The following TOP2A variants were observed in gnomAD, a reference collection of about 807,000 sequenced individuals.
The protein encoded by TOP2A is DNA topoisomerase 2-alpha.
In TOP2A, 68 loss-of-function variants were observed where a neutral mutation model predicts 187.2. The ratio of observed to expected loss-of-function variants is 0.36; its 90% CI spans 0.30 to 0.44. TOP2A has a LOEUF of 0.44. TOP2A is among the 20% of genes least tolerant of loss of function. TOP2A has a pLI of 1.00. For synonymous variants in TOP2A, 542 were observed against 593.2 expected, an observed-to-expected ratio of 0.91 and a Z score of 1.25; for missense variants, 1,196 against 1,808.7, an observed-to-expected ratio of 0.66 and a Z score of 6.14.
chr17:40,399,489 A>G (rs1386403060), intron 24 of TOP2A, among the ~76,000 whole-genome samples: 1 of 149,890 alleles, frequency 6.7e-6, no homozygotes, highest in African/African-American at 2.5e-5. Context: ...AGTAGAAGCC[A>G]TTCGTAATCT....
intron 12 of TOP2A, 22 bp downstream of exon 12, chr17:40,407,945 T>A: frequency 1.3e-6 from 2 of 1,588,234 alleles, no homozygotes; most frequent in Non-Finnish European, 1.7e-6. Flanking sequence ...ATTTAGATTC[T>A]GAAGATCGTC....
rs548652478 is a variant in TOP2A, at chr17:40,400,881, C to A, written c.2633G>T (p.Arg878Leu). The change falls in exon 21 of 35, where the codon CGT becomes CTT. Residue 878 changes from arginine (R) to leucine (L), a missense_variant. Around this residue, in one of 10 missense-constraint regions of TOP2A, gnomAD observed 232 missense variants for 306.1 expected, o/e 0.76. Transcript: ENST00000423485. ...CAAAGGTTCTTCTCCATCCATCAAA[C>A]GCCTGATGTTATTTACAATTTCACG... ...DVREIVNNIR[R>L]LMDGEEPLPM... is the part of the protein sequence containing the mutation. 6.2e-7 allele frequency: 1 copy of A among 1,613,958 alleles called. No homozygotes were observed. The highest frequency in any genetic ancestry group is 1.1e-5 in the South Asian group (1 of 91,088).
At chr17:40,415,365 T>A (rs745644739) in intron 4 of TOP2A, among the ~76,000 whole-genome samples, 3 of 152,152 alleles carry the variant, frequency 2.0e-5, no homozygotes, top group Non-Finnish European at 4.4e-5. Context: ...TAGCTCAACA[T>A]TTTTTAAAGA....
At chr17:40,395,915 A>ATT (rs372532948) in intron 28 of TOP2A, among the ~76,000 whole-genome samples, 5 of 149,682 alleles carry the variant, frequency 3.3e-5, no homozygotes, top group Non-Finnish European at 7.4e-5. Flanking sequence ...AATTTTATAC[A>ATT]TTTTTTTTTC....
chr17:40,407,020 T>C, intron 13 of TOP2A, 78 bp from the exon 14 acceptor site: 1 of 1,198,080 alleles, frequency 8.3e-7, no homozygotes, highest in Admixed American at 2.1e-5. Flanking sequence ...TCCCAGAACT[T>C]TGGGAGGCCG....
At position 40,406,449 on chromosome 17, in the gene TOP2A, C is replaced by A; in HGVS notation, c.1888G>T (p.Asp630Tyr). ...AACTGGATACGATGTCTTTTCATATCTGCAAAGTATTCTTTAGCTTCCTTT... is the reference window on the plus strand; with the variant it reads ...AACTGGATACGATGTCTTTTCATATATGCAAAGTATTCTTTAGCTTCCTTT... ...TSKEAKEYFA[D>Y]MKRHRIQFKY... The change falls in exon 16 of 35, where the codon GAT (aspartate) becomes TAT (tyrosine). Residue 630 changes from aspartate (D) to tyrosine (Y), a missense_variant. Asp to Tyr is a radical substitution (Grantham distance 160). Around this residue, in one of 10 missense-constraint regions of TOP2A, gnomAD observed 209 missense variants for 376.9 expected, o/e 0.55. Coordinates refer to ENST00000423485, the MANE Select transcript of TOP2A (RefSeq NM_001067.4). 6.2e-7 allele frequency: 1 copy of A among 1,613,816 alleles called. No individual in the cohort carries two copies. Among genetic ancestry groups the A allele is most frequent in the Non-Finnish European group, 8.5e-7 (1 of 1,179,788 alleles).
In TOP2A at chr17:40,413,496, A is replaced by G. The variant is rs2035350066; in HGVS notation, c.462T>C (p.Asp154=). 4 of 1,527,090 alleles carry G rather than the reference A, an allele frequency of 2.6e-6. No individual in the cohort carries two copies. The highest frequency in any genetic ancestry group is 3.5e-6 in the Non-Finnish European group (4 of 1,137,622). 94.6% of individuals were successfully genotyped at this position (1,527,090 alleles called of 1,614,324 possible). A position where few individuals can be genotyped will look rare whatever the true frequency, so the allele number is the denominator to read the frequency against. ...QLLTSSNYDD[D]EKKVTGGRNG... ...ATACTCTACCTGTCACTTTCTTTTC[A>G]TCATCATCATAGTTACTAGAAGTTA... The change falls in exon 5 of 35, where the codon GAT becomes GAC. Residue 154 remains aspartate, a synonymous_variant. Coordinates refer to ENST00000423485, the MANE Select transcript of TOP2A (RefSeq NM_001067.4).
At chr17:40,416,192 A>C in intron 3 of TOP2A, 124 bp from the exon 4 acceptor site, 1 of 848,898 alleles carries the variant, frequency 1.2e-6, no homozygotes, top group East Asian at 2.6e-5. Context: ...CAAGGTGTTA[A>C]TTTAGCAATT....
chr17:40,395,567 TATAGA>T (rs2035085308), intron 28 of TOP2A, 28 bp from the exon 29 acceptor site: 1 of 1,493,858 alleles, frequency 6.7e-7, no homozygotes, highest in Non-Finnish European at 9.2e-7. Context: ...TAGGGTTGGA[TATAGA>T]ATAAATTCTG....
intron 7 of TOP2A, among the ~76,000 whole-genome samples, chr17:40,412,481 A>G (rs1042105852): frequency 3.9e-5 from 6 of 152,146 alleles, no homozygotes; most frequent in Non-Finnish European, 7.4e-5. Context: ...TGTCTCTACT[A>G]AAAATACAAA....
At position 40,389,448 on chromosome 17, in the gene TOP2A, A is replaced by C; in HGVS notation, c.*71T>G. On this transcript the variant is annotated 3_prime_UTR_variant, in exon 35 of 35. Coordinates refer to ENST00000423485, the MANE Select transcript of TOP2A (RefSeq NM_001067.4). Reference sequence around the variant, plus strand: ...ACTAAATTCAGAGGGGAGGAAGTTAAGAGCTTCAGGTAACTTTAAAACCAG... The same window carrying C: ...ACTAAATTCAGAGGGGAGGAAGTTACGAGCTTCAGGTAACTTTAAAACCAG... The C allele has an allele frequency of 2.0e-6, 3 of 1,504,376 alleles. No individual in the cohort carries two copies. Among genetic ancestry groups the C allele is most frequent in the Non-Finnish European group, 2.7e-6 (3 of 1,119,670 alleles). The allele number at this position is 1,504,376 out of a possible 1,614,324, so 93.2% of individuals were successfully genotyped here. A position where few individuals can be genotyped will look rare whatever the true frequency, so the allele number is the denominator to read the frequency against.
rs2143622701 is a variant in TOP2A, at chr17:40,392,213, C to T, written c.4088+5G>A. On this transcript the variant is annotated splice_donor_5th_base_variant and intron_variant, in intron 31 of 34. Coordinates refer to ENST00000423485, the MANE Select transcript of TOP2A (RefSeq NM_001067.4). Reference sequence around the variant, plus strand: ...GACAAAACCCATATTAGATAAGATACTTGCTTTGGGGAAGTTTTGGTCTTA... The same window carrying T: ...GACAAAACCCATATTAGATAAGATATTTGCTTTGGGGAAGTTTTGGTCTTA... 1 of 1,612,892 alleles carries T rather than the reference C, an allele frequency of 6.2e-7. No individual in the cohort carries two copies. The highest frequency in any genetic ancestry group is 8.5e-7 in the Non-Finnish European group (1 of 1,179,506).
At position 40,400,791 on chromosome 17, in the gene TOP2A, A is replaced by C. The variant is rs948779894; in HGVS notation, c.2664+59T>G. 6 of 1,566,884 alleles carry C rather than the reference A, an allele frequency of 3.8e-6. No homozygotes were observed. In the African/African-American group the frequency reaches 8.2e-5, roughly 21 times the overall value. ...TGTTTGCATCATCTTTAATCATACA[A>C]TCTATTCAACTGAAACCCAAGGAAA... On this transcript the variant is annotated intron_variant, in intron 21 of 34. Transcript: ENST00000423485.
At position 40,416,438 on chromosome 17, in the gene TOP2A, G is replaced by A. The variant is rs375910949; in HGVS notation, c.252C>T (p.Ile84=). ...EVTFVPGLYK[I]FDEILVNAAD... ...TTTACTCACCTAGAATCTCATCAAA[G>A]ATTTTGTACAAACCAGGAACAAAAG... The change falls in exon 3 of 35, where the codon ATC becomes ATT. Residue 84 remains isoleucine (I), a synonymous_variant. Transcript: ENST00000423485. The A allele has an allele frequency of 1.8e-5, 28 of 1,593,482 alleles. No homozygotes were observed. The African/African-American group carries it at 2.1e-4, about 12-fold the overall frequency.
In TOP2A at chr17:40,407,590, T is replaced by C. The variant is rs762022284; in HGVS notation, c.1585A>G (p.Lys529Glu). ...KKNYEDEDSLKTLRYGKIMIM... is the reference protein window; with the variant it reads ...KKNYEDEDSLETLRYGKIMIM... ...ATTATCTTCCCATAACGAAGCGTCT[T>C]CAATGAATCTTCATCTTCATAGTTT... Residue 529 changes from lysine (K) to glutamate (E), a missense_variant, in exon 13 of 35, where the codon AAG becomes GAG. By Grantham distance (56) the Lys-to-Glu change is moderately conservative. Coordinates refer to ENST00000423485, the MANE Select transcript of TOP2A (RefSeq NM_001067.4). 6.3e-7 allele frequency: 1 copy of C among 1,595,018 alleles called. No individual in the cohort carries two copies. The highest frequency in any genetic ancestry group is 1.9e-5 in the Admixed American group (1 of 53,644).
At chr17:40,399,742 G>A in intron 24 of TOP2A, 130 bp downstream of exon 24, 1 of 649,790 alleles carries the variant, frequency 1.5e-6, no homozygotes, top group Non-Finnish European at 2.6e-6. Flanking sequence ...TTAAAGAAAT[G>A]CGTGTATAAG....
At chr17:40,398,499 T>G in intron 27 of TOP2A, 59 bp downstream of exon 27, 1 of 1,396,960 alleles carries the variant, frequency 7.2e-7, no homozygotes, top group Non-Finnish European at 9.8e-7. Flanking sequence ...AAAGGTATAC[T>G]GCTGGAATAT....
chr17:40,399,013 A>G, intron 25 of TOP2A, 27 bp downstream of exon 25: 1 of 1,592,956 alleles, frequency 6.3e-7, no homozygotes, highest in Non-Finnish European at 8.6e-7. Flanking sequence ...GTCTTTAACA[A>G]TATAGAAAAG....
In TOP2A at chr17:40,400,561, T is replaced by C. The variant is rs1366387100; in HGVS notation, c.2767A>G (p.Ile923Val). ...CATGTTCTGACGGGAAGCTCTGAGATTTCAATGGTTGTAGAATTAAGAATA... is the reference window on the plus strand; with the variant it reads ...CATGTTCTGACGGGAAGCTCTGAGACTTCAATGGTTGTAGAATTAAGAATA... ...VAILNSTTIE[I>V]SELPVRTWTQ... Residue 923 changes from isoleucine to valine, a missense_variant, in exon 22 of 35, where the codon ATC becomes GTC. Ile to Val is a conservative substitution (Grantham distance 29). This residue lies in a region of TOP2A where 232 missense variants were observed against 306.1 expected (regional missense o/e 0.76). Coordinates refer to ENST00000423485, the MANE Select transcript of TOP2A (RefSeq NM_001067.4). The C allele has an allele frequency of 1.2e-6, 2 of 1,610,440 alleles. No individual in the cohort carries two copies. The highest frequency in any genetic ancestry group is 2.2e-5 in the East Asian group (1 of 44,854).
Sources: allele counts gnomAD v4.1 joint callset (sites outside exome capture counted in the v4.1 genomes callset), GRCh38; gene constraint gnomAD v4.1.1; regional missense constraint gnomAD v4.1.1; transcripts MANE v1.5; gene names NCBI Gene and HGNC (gene_info 2026-07-23, HGNC 2026-07-21).